Variants in ROR2 observed in about 807,000 individuals in gnomAD.
The protein encoded by ROR2 is tyrosine-protein kinase transmembrane receptor ROR2.
A neutral mutation model predicts 74.9 loss-of-function variants in ROR2; 33 were observed. That is an observed-to-expected ratio of 0.44 (90% confidence interval 0.33 to 0.59). The LOEUF (loss-of-function observed/expected upper bound fraction) is 0.59. Ranked by LOEUF, ROR2 falls within the 20% of genes least tolerant of loss-of-function variation. The probability of loss-of-function intolerance (pLI) is 0.02; values close to 1 mark genes in which losing one functional copy is unlikely to be tolerated. For missense variants in ROR2, 1,216 were observed against 1,313.8 expected, an observed-to-expected ratio of 0.93 and a Z score of 1.15; for synonymous variants, 586 against 558.7, an observed-to-expected ratio of 1.05 and a Z score of -0.69.
chr9:91,724,416 T>A lies in ROR2; in HGVS notation c.2078A>T (p.Tyr693Phe), dbSNP rs200580960. ...WEVFSYGLQP[Y>F]CGYSNQDVVE... ...CACATCCTGGTTGGAGTACCCGCAGTAGGGCTGCAGGCCGTAGCTGAAGAC... is the reference window on the plus strand; with the variant it reads ...CACATCCTGGTTGGAGTACCCGCAGAAGGGCTGCAGGCCGTAGCTGAAGAC... The change falls in exon 9 of 9, where the codon TAC becomes TTC. Residue 693 changes from tyrosine (Y) to phenylalanine (F), a missense_variant. Physicochemically the swap from Tyr to Phe is conservative, Grantham distance 22. Transcript: ENST00000375708. The A allele has an allele frequency of 4.3e-6, 7 of 1,614,146 alleles. No individual in the cohort carries two copies. Among genetic ancestry groups the A allele is most frequent in the Non-Finnish European group, 5.9e-6 (7 of 1,180,020 alleles).
chr9:91,760,543 A>G (rs927863071), intron 2 of ROR2, among the ~76,000 whole-genome samples: 4 of 151,576 alleles, frequency 2.6e-5, no homozygotes, highest in African/African-American at 9.7e-5. Context: ...CTGAGGCAGG[A>G]GAATGGCGTG....
At chr9:91,904,415 C>T (rs1564029593) in intron 1 of ROR2, among the ~76,000 whole-genome samples, 1 of 152,208 alleles carries the variant, frequency 6.6e-6, no homozygotes, top group African/African-American at 2.4e-5. Flanking sequence ...GTCAGGCGGG[C>T]TCAGTCCATA....
chr9:91,787,652 T>C (rs1381618708), intron 1 of ROR2, among the ~76,000 whole-genome samples: 1 of 151,932 alleles, frequency 6.6e-6, no homozygotes, highest in Non-Finnish European at 1.5e-5. Flanking sequence ...GCAAACACCA[T>C]CAACCATCAA....
chr9:91,767,136 G>A (rs963043858), intron 2 of ROR2, among the ~76,000 whole-genome samples: 1 of 151,882 alleles, frequency 6.6e-6, no homozygotes, highest in Admixed American at 6.6e-5. Context: ...GTGCAGTGGC[G>A]TGATCTCGGC....
intron 1 of ROR2, among the ~76,000 whole-genome samples, chr9:91,921,091 G>T (rs1227849627): frequency 1.3e-5 from 2 of 152,204 alleles, no homozygotes; most frequent in African/African-American, 2.4e-5. Flanking sequence ...CCTCAACCAG[G>T]TGCCAAATGG....
intron 1 of ROR2, among the ~76,000 whole-genome samples, chr9:91,789,568 G>A (rs1474937114): frequency 6.6e-6 from 1 of 152,122 alleles, no homozygotes; most frequent in Non-Finnish European, 1.5e-5. Context: ...AGAGGGAAGG[G>A]AAGCAAGATA....
chr9:91,885,885 T>G (rs1318957527), intron 1 of ROR2, among the ~76,000 whole-genome samples: 3 of 149,620 alleles, frequency 2.0e-5, no homozygotes, highest in Non-Finnish European at 4.5e-5. Context: ...TTTTTTTTTT[T>G]TTTTTGAGAC....
At chr9:91,821,470 G>T (rs1447383797) in intron 1 of ROR2, among the ~76,000 whole-genome samples, 1 of 152,050 alleles carries the variant, frequency 6.6e-6, no homozygotes, top group Admixed American at 6.6e-5. Flanking sequence ...TTGGCTGCCT[G>T]GTCTTCCCAG....
chr9:91,727,860 G>A (rs1023139549), intron 7 of ROR2, among the ~76,000 whole-genome samples: 29 of 152,128 alleles, frequency 1.9e-4, no homozygotes, highest in African/African-American at 6.5e-4. Flanking sequence ...TAGGAAAAAA[G>A]CACCTTGTCC....
rs200274070 is a variant in ROR2 at position 91,725,068 on chromosome 9, T to C, written c.1426A>G (p.Met476Val). The C allele has an allele frequency of 4.3e-6, 7 of 1,613,922 alleles. No homozygotes were observed. The African/African-American group carries it at 9.3e-5, about 22-fold the overall frequency. Residue 476 changes from methionine to valine, a missense_variant, in exon 9 of 9, where the codon ATG (methionine) becomes GTG (valine). Met to Val is a conservative substitution (Grantham distance 21). Coordinates refer to ENST00000375708, the MANE Select transcript of ROR2 (RefSeq NM_004560.4). ...KEISLSAVRF[M>V]EELGEDRFGK... Reference sequence around the variant, plus strand: ...AACCGGTCCTCTCCCAGCTCCTCCATGAACCTCACCGCAGACAGGCTGATC... The same window carrying C: ...AACCGGTCCTCTCCCAGCTCCTCCACGAACCTCACCGCAGACAGGCTGATC...
chr9:91,944,261 G>A (rs578046391), intron 1 of ROR2, among the ~76,000 whole-genome samples: 1 of 152,146 alleles, frequency 6.6e-6, no homozygotes, highest in African/African-American at 2.4e-5. Flanking sequence ...CATATAAAAG[G>A]CACAGTCATA....
chr9:91,755,930 C>A (rs531050837), intron 4 of ROR2, 141 bp downstream of exon 4: 3 of 823,232 alleles, frequency 3.6e-6, no homozygotes, highest in Non-Finnish European at 2.1e-6. Flanking sequence ...TAAGCAAGCA[C>A]GTGGCCACCC....
At chr9:91,918,047 G>A (rs541683314) in intron 1 of ROR2, among the ~76,000 whole-genome samples, 1 of 152,090 alleles carries the variant, frequency 6.6e-6, no homozygotes, top group South Asian at 2.1e-4. Flanking sequence ...CGAGACAGGC[G>A]GATCACGAGG....
chr9:91,936,796 C>T (rs534351770), intron 1 of ROR2, among the ~76,000 whole-genome samples: 6 of 151,776 alleles, frequency 4.0e-5, no homozygotes, highest in East Asian at 1.9e-4. Flanking sequence ...TTTGGGAGGC[C>T]GAGGCGGGCG....
intron 2 of ROR2, among the ~76,000 whole-genome samples, chr9:91,762,159 T>G (rs1236407763): frequency 6.6e-6 from 1 of 152,180 alleles, no homozygotes; most frequent in Non-Finnish European, 1.5e-5. Flanking sequence ...CTGCTTCCAT[T>G]GTCACATCTA....
intron 1 of ROR2, among the ~76,000 whole-genome samples, chr9:91,831,903 C>T (rs971584517): frequency 1.3e-5 from 2 of 152,190 alleles, no homozygotes; most frequent in African/African-American, 4.8e-5. Context: ...TAAAAAGATG[C>T]TGTGTGTGCG....
intron 1 of ROR2, among the ~76,000 whole-genome samples, chr9:91,926,480 A>G (rs571979749): frequency 6.9e-6 from 1 of 145,120 alleles, no homozygotes; most frequent in African/African-American, 2.5e-5. Flanking sequence ...CGGGAGGTGG[A>G]GGTAGCAGTG....
chr9:91,907,856 G>A (rs1348813443), intron 1 of ROR2, among the ~76,000 whole-genome samples: 2 of 152,106 alleles, frequency 1.3e-5, no homozygotes, highest in Admixed American at 1.3e-4. Context: ...AGCGTGGATC[G>A]GATGCTGCCC....
intron 1 of ROR2, among the ~76,000 whole-genome samples, chr9:91,830,508 A>G (rs1398669077): frequency 6.6e-6 from 1 of 152,168 alleles, no homozygotes; most frequent in Admixed American, 6.5e-5. Flanking sequence ...TGTCTGTACA[A>G]TAACAAACAC....
Sources: allele counts gnomAD v4.1 joint callset (sites outside exome capture counted in the v4.1 genomes callset), GRCh38; gene constraint gnomAD v4.1.1; transcripts MANE v1.5; gene names NCBI Gene and HGNC (gene_info 2026-07-23, HGNC 2026-07-21).